HIBADH: variants seen among roughly 807,000 people sequenced by gnomAD.
HIBADH encodes the protein 3-hydroxyisobutyrate dehydrogenase.
A neutral mutation model predicts 36.1 loss-of-function variants in HIBADH; 25 were observed. The ratio of observed to expected loss-of-function variants is 0.69; its 90% CI spans 0.50 to 0.97. The LOEUF is 0.97. Among genes scored for constraint, HIBADH ranks in the 50% least tolerant of loss-of-function variants. The pLI is 0.00. For missense variants in HIBADH, 421 were observed against 418.0 expected (o/e 1.01, Z -0.06); for synonymous variants, 160 against 149.5 (o/e 1.07, Z -0.51).
At chr7:27,567,436 A>G (rs1184344859) in intron 4 of HIBADH, among the ~76,000 whole-genome samples, 2 of 152,142 alleles carry the variant, frequency 1.3e-5, no homozygotes, top group Non-Finnish European at 2.9e-5. Flanking sequence ...CAATCTGATA[A>G]TATCGTGCCT....
chr7:27,538,858 G>C (rs1239559414), intron 5 of HIBADH, among the ~76,000 whole-genome samples: 1 of 152,080 alleles, frequency 6.6e-6, no homozygotes, highest in Non-Finnish European at 1.5e-5. Context: ...AGAGGAAGTG[G>C]AACCTGAAAT....
chr7:27,646,157 T>C (rs901296732), intron 2 of HIBADH, among the ~76,000 whole-genome samples: 4 of 152,274 alleles, frequency 2.6e-5, no homozygotes, highest in African/African-American at 9.6e-5. Context: ...ATTATTAAAT[T>C]GTAACTCCGT....
At chr7:27,550,345 G>C (rs950901877) in intron 4 of HIBADH, among the ~76,000 whole-genome samples, 1 of 152,150 alleles carries the variant, frequency 6.6e-6, no homozygotes, top group Non-Finnish European at 1.5e-5. Context: ...GTCTTCAGTT[G>C]TAGGAAGCAA....
chr7:27,630,298 G>A (rs1474831048), intron 3 of HIBADH, among the ~76,000 whole-genome samples: 1 of 152,010 alleles, frequency 6.6e-6, no homozygotes, highest in East Asian at 1.9e-4. Context: ...CACCATACCC[G>A]TCTAAGTTTT....
At chr7:27,528,187 G>A (rs1783939821) in intron 7 of HIBADH, among the ~76,000 whole-genome samples, 1 of 151,692 alleles carries the variant, frequency 6.6e-6, no homozygotes, top group Non-Finnish European at 1.5e-5. Context: ...CTGAATGGCA[G>A]CTCTCTCTCT....
chr7:27,625,096 GCAATACATTTTATGTACTGCA>G (rs1785617687), intron 4 of HIBADH, among the ~76,000 whole-genome samples: 1 of 152,078 alleles, frequency 6.6e-6, no homozygotes, highest in South Asian at 2.1e-4. Flanking sequence ...CCACATAATG[GCAATACATTTTATGTACTGCA>G]CATGGGCATC....
chr7:27,636,413 A>G (rs2128295184), intron 2 of HIBADH, among the ~76,000 whole-genome samples: 1 of 152,364 alleles, frequency 6.6e-6, no homozygotes, highest in South Asian at 2.1e-4. Flanking sequence ...AAATTAAACT[A>G]CACTTGAAAA....
chr7:27,572,831 G>C (rs1156577600), intron 4 of HIBADH, among the ~76,000 whole-genome samples: 3 of 151,906 alleles, frequency 2.0e-5, no homozygotes, highest in Non-Finnish European at 4.4e-5. Flanking sequence ...AATTTGATTT[G>C]GTGAGCCAGA....
At chr7:27,577,325 G>A (rs953339255) in intron 4 of HIBADH, among the ~76,000 whole-genome samples, 2 of 142,378 alleles carry the variant, frequency 1.4e-5, no homozygotes, top group Admixed American at 1.4e-4. Context: ...CACCACACCT[G>A]ACTTATTTTT....
At chr7:27,582,002 T>C (rs753866044) in intron 4 of HIBADH, among the ~76,000 whole-genome samples, 7 of 152,162 alleles carry the variant, frequency 4.6e-5, no homozygotes, top group African/African-American at 1.4e-4. Flanking sequence ...AGATGCTTGT[T>C]TTCTCTCTTT....
At chr7:27,575,503 A>G (rs1014702811) in intron 4 of HIBADH, among the ~76,000 whole-genome samples, 3 of 152,194 alleles carry the variant, frequency 2.0e-5, no homozygotes, top group African/African-American at 7.2e-5. Context: ...GGACTGGGTG[A>G]GCATCAGGAA....
intron 4 of HIBADH, among the ~76,000 whole-genome samples, chr7:27,546,603 C>G (rs1444962599): frequency 6.6e-6 from 1 of 152,152 alleles, no homozygotes; most frequent in Non-Finnish European, 1.5e-5. Flanking sequence ...TCAAGAAGAA[C>G]TTTAGTGGTC....
intron 3 of HIBADH, among the ~76,000 whole-genome samples, chr7:27,631,741 T>C (rs1354843111): frequency 2.0e-5 from 3 of 152,184 alleles, no homozygotes; most frequent in Non-Finnish European, 1.5e-5. Context: ...TTGTGGGAGT[T>C]ATTTACATCC....
chr7:27,567,355 T>C (rs1259768164), intron 4 of HIBADH, among the ~76,000 whole-genome samples: 5 of 152,196 alleles, frequency 3.3e-5, no homozygotes, highest in African/African-American at 1.2e-4. Context: ...TTTTCTATAC[T>C]TTTAATCTAC....
chr7:27,525,609 AAAC>A lies in HIBADH; in HGVS notation c.*602_*604del, dbSNP rs1248100399. 6.6e-6 allele frequency: 1 copy of A among 152,242 alleles called. No individual in the cohort carries two copies. Among genetic ancestry groups the A allele is most frequent in the African/African-American group, 2.4e-5 (1 of 41,456 alleles). 9.4% of individuals were successfully genotyped at this position (152,242 alleles called of 1,614,324 possible). A position where few individuals can be genotyped will look rare whatever the true frequency, so the allele number is the denominator to read the frequency against. ...ATGAACAAGAAAGAAAAAAATATAA[AAAC>A]AAGTCTGCTGAGTGTCGGGAGTTGG... On this transcript the variant is annotated 3_prime_UTR_variant, in exon 8 of 8. Transcript: ENST00000265395.
intron 2 of HIBADH, among the ~76,000 whole-genome samples, chr7:27,633,085 T>C (rs770295607): frequency 6.6e-6 from 1 of 152,164 alleles, no homozygotes; most frequent in Non-Finnish European, 1.5e-5. Context: ...ACGTGGAAAC[T>C]ACATACAGAA....
chr7:27,608,108 AT>A (rs1785261973), intron 4 of HIBADH, among the ~76,000 whole-genome samples: 1 of 152,240 alleles, frequency 6.6e-6, no homozygotes, highest in Non-Finnish European at 1.5e-5. Flanking sequence ...TAGATAAACA[AT>A]TATGATAACC....
intron 4 of HIBADH, among the ~76,000 whole-genome samples, chr7:27,599,814 G>T (rs1486146509): frequency 6.6e-6 from 1 of 150,692 alleles, no homozygotes; most frequent in Admixed American, 6.6e-5. Flanking sequence ...TTCAAAAAAG[G>T]TTTGCATGGA....
intron 4 of HIBADH, among the ~76,000 whole-genome samples, chr7:27,567,448 T>C (rs1784563762): frequency 6.6e-6 from 1 of 152,172 alleles, no homozygotes; most frequent in South Asian, 2.1e-4. Context: ...ATCGTGCCTT[T>C]TAGTTGGTGT....
Sources: allele counts gnomAD v4.1 joint callset (sites outside exome capture counted in the v4.1 genomes callset), GRCh38; gene constraint gnomAD v4.1.1; transcripts MANE v1.5; gene names NCBI Gene and HGNC (gene_info 2026-07-23, HGNC 2026-07-21).